Variants in CPB1 observed in about 807,000 individuals in gnomAD.
CPB1 encodes carboxypeptidase B1, also known as carboxypeptidase B.
CPB1 carries 53 observed loss-of-function variants against 51.4 expected under a neutral mutation model. That is an observed-to-expected ratio of 1.03 (90% CI 0.83 to 1.30). The LOEUF (loss-of-function observed/expected upper bound fraction) is 1.30. CPB1 is among the 50% of genes most tolerant of loss of function. The pLI is 0.00. For missense variants in CPB1, 494 were observed against 516.2 expected (o/e 0.96, Z 0.42); for synonymous variants, 189 against 186.9 (o/e 1.01, Z -0.09).
At chr3:148,836,565 T>C (rs77347426) in intron 3 of CPB1, among the ~76,000 whole-genome samples, 1 of 150,666 alleles carries the variant, frequency 6.6e-6, no homozygotes, top group African/African-American at 2.4e-5. Flanking sequence ...TATAATCAGA[T>C]AGAAAGTTCA....
Position 148,839,346 on chromosome 3 carries a change from T to G in CPB1, c.273-1340T>G, listed in dbSNP as rs1713005850. On this transcript the variant is annotated intron_variant, in intron 3 of 10. Transcript: ENST00000282957. ...ATTTTTATCCCAGTGAGACTTGTGT[T>G]GGAATGCTAACCTACAGAACTATAA... Among the ~76,000 whole-genome samples the G allele has an allele frequency of 4.6e-5, 7 of 152,184 alleles. No homozygotes were observed. The South Asian group carries it at 1.5e-3, about 32-fold the overall frequency.
At chr3:148,834,796 G>C (rs1215375634) in intron 3 of CPB1, among the ~76,000 whole-genome samples, 174 bp downstream of exon 3, 1 of 152,144 alleles carries the variant, frequency 6.6e-6, no homozygotes, top group Non-Finnish European at 1.5e-5. Context: ...CTTCAGTTCT[G>C]ATGGATTTTG....
chr3:148,828,603 T>C (rs1712641281), intron 2 of CPB1, among the ~76,000 whole-genome samples: 2 of 152,196 alleles, frequency 1.3e-5, no homozygotes, highest in Non-Finnish European at 2.9e-5. Flanking sequence ...ACTTTTCTTT[T>C]GCTTTCAAAA....
intron 5 of CPB1, among the ~76,000 whole-genome samples, 167 bp downstream of exon 5, chr3:148,841,142 G>T (rs1380152376): frequency 1.3e-5 from 2 of 152,028 alleles, no homozygotes; most frequent in Non-Finnish European, 2.9e-5. Flanking sequence ...TATCATATGT[G>T]GATTTTTAAA....
chr3:148,833,680 T>C (rs1712805464), intron 2 of CPB1, among the ~76,000 whole-genome samples: 1 of 151,958 alleles, frequency 6.6e-6, no homozygotes, highest in Non-Finnish European at 1.5e-5. Context: ...CAAGACACAG[T>C]ATGTTTTAGT....
intron 10 of CPB1, among the ~76,000 whole-genome samples, chr3:148,859,515 C>A (rs902124187): frequency 6.6e-6 from 1 of 152,110 alleles, no homozygotes; most frequent in African/African-American, 2.4e-5. Flanking sequence ...CATCCTTTCA[C>A]ATATAAAGTG....
chr3:148,828,846 C>T (rs1158523024), intron 2 of CPB1, among the ~76,000 whole-genome samples: 1 of 151,986 alleles, frequency 6.6e-6, no homozygotes, highest in Non-Finnish European at 1.5e-5. Flanking sequence ...GCTTTTAAGG[C>T]ATAGAGGAAG....
chr3:148,833,536 C>T (rs1712800059), intron 2 of CPB1, among the ~76,000 whole-genome samples: 1 of 152,096 alleles, frequency 6.6e-6, no homozygotes, highest in Non-Finnish European at 1.5e-5. Context: ...ATATCTCTAG[C>T]CCCAAAGCAG....
chr3:148,847,128 C>T lies in CPB1; in HGVS notation c.981+1502C>T, dbSNP rs866458531. On this transcript the variant is annotated intron_variant, in intron 9 of 10. Coordinates refer to ENST00000282957, the MANE Select transcript of CPB1 (RefSeq NM_001871.3). ...CAAAACACATTAAGGGTAGCAATAA[C>T]ATATATATATCCAGTTTGCTTCAAT... Among the ~76,000 whole-genome samples the T allele has an allele frequency of 2.0e-5, 3 of 150,710 alleles. No homozygotes were observed. In the South Asian group the frequency reaches 6.3e-4, roughly 32 times the overall value.
At chr3:148,833,126 T>C (rs1492092) in intron 2 of CPB1, among the ~76,000 whole-genome samples, 50,399 of 152,060 alleles carry the variant, frequency 0.33, 8,453 homozygotes, top group Non-Finnish European at 0.36. Flanking sequence ...TCTGTCCTTA[T>C]CTTAGCATGT....
chr3:148,844,988 G>T (rs1713191267), intron 8 of CPB1, among the ~76,000 whole-genome samples: 2 of 151,894 alleles, frequency 1.3e-5, no homozygotes, highest in Non-Finnish European at 2.9e-5. Flanking sequence ...AAAATATAAG[G>T]CTGAACAAAC....
intron 9 of CPB1, 71 bp downstream of exon 9, chr3:148,845,697 T>G (rs1277280881): frequency 1.6e-6 from 2 of 1,248,362 alleles, no homozygotes; most frequent in Non-Finnish European, 2.3e-6. Flanking sequence ...GAAAAAAAAA[T>G]CATTATAAGA....
At chr3:148,841,058 C>A in intron 5 of CPB1, 83 bp downstream of exon 5, 2 of 1,101,086 alleles carry the variant, frequency 1.8e-6, no homozygotes, top group Non-Finnish European at 2.7e-6. Context: ...GTTTCACAGA[C>A]ACGCTTATCC....
At chr3:148,834,420 G>T in intron 2 of CPB1, 78 bp from the exon 3 acceptor site, 1 of 1,299,786 alleles carries the variant, frequency 7.7e-7, no homozygotes, top group South Asian at 1.2e-5. Context: ...ACTCAATTCA[G>T]TAGAGCAATA....
At chr3:148,832,921 A>G (rs953715091) in intron 2 of CPB1, among the ~76,000 whole-genome samples, 53 of 152,232 alleles carry the variant, frequency 3.5e-4, no homozygotes, top group African/African-American at 1.2e-3. Flanking sequence ...TGCTTTGCCA[A>G]TTCTCAACCT....
chr3:148,842,562 A>G (rs990308182), intron 6 of CPB1, among the ~76,000 whole-genome samples: 4 of 152,232 alleles, frequency 2.6e-5, no homozygotes, highest in African/African-American at 9.6e-5. Context: ...GGCAAAGAAC[A>G]ACTCCTTCTT....
At chr3:148,857,350 C>T in intron 9 of CPB1, 107 bp from the exon 10 acceptor site, 1 of 795,112 alleles carries the variant, frequency 1.3e-6, no homozygotes, top group South Asian at 1.7e-5. Context: ...ATAATACGAT[C>T]CAAATTGTTA....
intron 6 of CPB1, among the ~76,000 whole-genome samples, chr3:148,843,782 A>T (rs1356121766): frequency 6.6e-6 from 1 of 152,182 alleles, no homozygotes; most frequent in Admixed American, 6.5e-5. Context: ...CTACGAGAAC[A>T]TATTAAATGG....
At chr3:148,847,322 T>C (rs1376689449) in intron 9 of CPB1, among the ~76,000 whole-genome samples, 5 of 128,310 alleles carry the variant, frequency 3.9e-5, no homozygotes, top group Non-Finnish European at 7.9e-5. Flanking sequence ...ACTAGTTGTA[T>C]ACAATAACAA....
Sources: gnomAD v4.1 joint callset for allele counts (sites outside exome capture counted in the v4.1 genomes callset) on GRCh38, gnomAD v4.1.1 for gene constraint, MANE v1.5 for transcripts, NCBI Gene and HGNC (gene_info 2026-07-23, HGNC 2026-07-21) for gene names.